MAML3: variants seen among roughly 807,000 people sequenced by gnomAD.
MAML3 encodes mastermind-like protein 3.
In MAML3, 27 loss-of-function variants were observed where a neutral mutation model predicts 101.9. The ratio of observed to expected loss-of-function variants is 0.27; its 90% CI spans 0.20 to 0.37. The LOEUF (loss-of-function observed/expected upper bound fraction) is 0.37, where lower values mean the gene tolerates loss of function less well. Ranked by LOEUF, MAML3 falls within the 10% of genes least tolerant of loss-of-function variation. The pLI is 1.00. For missense variants in MAML3, 1,316 were observed against 1,444.9 expected (o/e 0.91, Z 1.45); for synonymous variants, 501 against 555.9 (o/e 0.90, Z 1.39).
intron 1 of MAML3, among the ~76,000 whole-genome samples, chr4:140,078,728 T>C (rs1016079804): frequency 6.6e-6 from 1 of 151,984 alleles, no homozygotes; most frequent in Non-Finnish European, 1.5e-5. Context: ...TCAAAGAAAT[T>C]AAGCTTTGTC....
intron 1 of MAML3, among the ~76,000 whole-genome samples, chr4:140,038,056 T>A (rs548297125): frequency 2.6e-5 from 4 of 152,234 alleles, no homozygotes; most frequent in Non-Finnish European, 5.9e-5. Flanking sequence ...ATTCCACTAG[T>A]CTGAGAAGAT....
At chr4:140,023,832 A>G (rs915052222) in intron 1 of MAML3, among the ~76,000 whole-genome samples, 3 of 152,232 alleles carry the variant, frequency 2.0e-5, no homozygotes, top group Non-Finnish European at 4.4e-5. Flanking sequence ...ATCATAAGCC[A>G]AAGGATTGTC....
chr4:140,122,791 CAAAAAAAAAAA>C (rs35276329), intron 1 of MAML3, among the ~76,000 whole-genome samples: 2 of 82,950 alleles, frequency 2.4e-5, no homozygotes, highest in African/African-American at 8.4e-5. Context: ...GACTCCGTCT[CAAAAAAAAAAA>C]AAAAAAAAAC....
chr4:139,815,929 C>CAAGGGTTA (rs1454749971), intron 2 of MAML3, among the ~76,000 whole-genome samples: 7 of 152,060 alleles, frequency 4.6e-5, no homozygotes, highest in Non-Finnish European at 7.4e-5. Flanking sequence ...AACGCTTGAA[C>CAAGGGTTA]CCTTGTGCTA....
intron 1 of MAML3, among the ~76,000 whole-genome samples, chr4:139,933,164 A>G (rs1243872992): frequency 6.6e-6 from 1 of 152,132 alleles, no homozygotes; most frequent in Non-Finnish European, 1.5e-5. Context: ...GAAGGAGGGA[A>G]AGAGTGGGGA....
chr4:140,112,362 G>A (rs1055247810), intron 1 of MAML3, among the ~76,000 whole-genome samples: 4 of 152,008 alleles, frequency 2.6e-5, no homozygotes, highest in African/African-American at 9.7e-5. Context: ...ATTTCTCCAA[G>A]TCATGCTCCA....
At chr4:140,022,733 C>G (rs1726751616) in intron 1 of MAML3, among the ~76,000 whole-genome samples, 1 of 152,204 alleles carries the variant, frequency 6.6e-6, no homozygotes, top group African/African-American at 2.4e-5. Flanking sequence ...ATATGCCCAT[C>G]TCTTTTTCCC....
chr4:139,974,433 A>C (rs1428577114), intron 1 of MAML3, among the ~76,000 whole-genome samples: 1 of 152,206 alleles, frequency 6.6e-6, no homozygotes. Flanking sequence ...AGTGTCTGTT[A>C]CATGAGTACT....
At chr4:139,827,742 C>T (rs1201102372) in intron 2 of MAML3, among the ~76,000 whole-genome samples, 1 of 152,150 alleles carries the variant, frequency 6.6e-6, no homozygotes, top group African/African-American at 2.4e-5. Context: ...TTATAAATGA[C>T]TTACTCTAAG....
intron 2 of MAML3, among the ~76,000 whole-genome samples, chr4:139,816,898 T>C (rs79514873): frequency 2.0e-5 from 3 of 152,188 alleles, no homozygotes; most frequent in Admixed American, 2.0e-4. Context: ...AATGAATGGA[T>C]GTATGTGAAT....
chr4:139,770,440 T>C (rs1286672094), intron 2 of MAML3, among the ~76,000 whole-genome samples: 1 of 152,226 alleles, frequency 6.6e-6, no homozygotes, highest in African/African-American at 2.4e-5. Context: ...TCTTCACTTA[T>C]ACTTTTTCTT....
At chr4:139,946,153 TAATC>T (rs1312014487) in intron 1 of MAML3, among the ~76,000 whole-genome samples, 2 of 152,240 alleles carry the variant, frequency 1.3e-5, no homozygotes, top group African/African-American at 4.8e-5. Context: ...TCTTTTGCAT[TAATC>T]ATTCAAGATA....
chr4:139,885,715 A>G (rs1732315654), intron 2 of MAML3, among the ~76,000 whole-genome samples: 1 of 149,630 alleles, frequency 6.7e-6, no homozygotes, highest in Non-Finnish European at 1.5e-5. Context: ...CGAGGTCAGG[A>G]GATCGAGACC....
chr4:139,863,337 T>C (rs1181354817), intron 2 of MAML3, among the ~76,000 whole-genome samples: 1 of 140,422 alleles, frequency 7.1e-6, no homozygotes, highest in Non-Finnish European at 1.5e-5. Context: ...CACTTTTTCC[T>C]GTGCCCTTTT....
intron 1 of MAML3, among the ~76,000 whole-genome samples, chr4:139,946,058 A>G (rs1411453884): frequency 6.6e-6 from 1 of 152,250 alleles, no homozygotes; most frequent in Non-Finnish European, 1.5e-5. Context: ...GTAGAATCAG[A>G]ATGGAAAATA....
intron 2 of MAML3, among the ~76,000 whole-genome samples, chr4:139,821,032 T>C (rs530338104): frequency 3.9e-5 from 6 of 152,322 alleles, no homozygotes; most frequent in African/African-American, 1.4e-4. Flanking sequence ...AGTTTGAAAT[T>C]TGCTATGAGA....
intron 2 of MAML3, among the ~76,000 whole-genome samples, chr4:139,743,661 G>A (rs1158666559): frequency 6.6e-6 from 1 of 152,110 alleles, no homozygotes; most frequent in Non-Finnish European, 1.5e-5. Context: ...GATACCACAC[G>A]GGGAAAAGCC....
At chr4:139,901,724 G>A (rs1185995314) in intron 1 of MAML3, among the ~76,000 whole-genome samples, 1 of 152,340 alleles carries the variant, frequency 6.6e-6, no homozygotes, top group East Asian at 1.9e-4. Flanking sequence ...GAATAGGCAT[G>A]TTAGAACTAA....
chr4:139,982,172 T>A (rs1309166533), intron 1 of MAML3, among the ~76,000 whole-genome samples: 1 of 152,240 alleles, frequency 6.6e-6, no homozygotes, highest in Non-Finnish European at 1.5e-5. Flanking sequence ...CCATCATTTA[T>A]TTATACCAGT....
Sources: allele counts gnomAD v4.1 joint callset (sites outside exome capture counted in the v4.1 genomes callset), GRCh38; gene constraint gnomAD v4.1.1; transcripts MANE v1.5; gene names NCBI Gene and HGNC (gene_info 2026-07-23, HGNC 2026-07-21).